Variants in SPAG16 observed in about 807,000 individuals in gnomAD.
SPAG16 encodes sperm-associated antigen 16 protein.
SPAG16 carries 86 observed loss-of-function variants against 80.4 expected under a neutral mutation model. That is an observed-to-expected ratio of 1.07 (90% CI 0.90 to 1.28). The LOEUF is 1.28. SPAG16 is among the 50% of genes most tolerant of loss of function. The probability of loss-of-function intolerance (pLI) is 0.00; values close to 1 mark genes in which losing one functional copy is unlikely to be tolerated. For synonymous variants in SPAG16, 294 were observed against 265.9 expected, an observed-to-expected ratio of 1.11 and a Z score of -1.03; for missense variants, 870 against 765.3, an observed-to-expected ratio of 1.14 and a Z score of -1.61.
At chr2:213,312,494 C>A (rs2063233446) in intron 4 of SPAG16, among the ~76,000 whole-genome samples, 1 of 151,630 alleles carries the variant, frequency 6.6e-6, no homozygotes, top group Non-Finnish European at 1.5e-5. Context: ...AAGATACATT[C>A]TTACTTTTTT....
intron 13 of SPAG16, among the ~76,000 whole-genome samples, chr2:214,079,826 T>C (rs2051277077): frequency 6.6e-6 from 1 of 152,216 alleles, no homozygotes; most frequent in Admixed American, 6.5e-5. Context: ...CCCCAGGTTT[T>C]TGTCCTTGTT....
chr2:214,065,827 T>TA (rs1348587851), intron 13 of SPAG16, among the ~76,000 whole-genome samples: 1 of 152,148 alleles, frequency 6.6e-6, no homozygotes. Flanking sequence ...GGTTGGCCTT[T>TA]AAATATCATT....
intron 9 of SPAG16, among the ~76,000 whole-genome samples, chr2:213,387,431 C>CTTTTTTTTTTTTTTTTTTTTT (rs71060428): frequency 2.1e-5 from 1 of 47,914 alleles, no homozygotes. Context: ...AATGCATGCT[C>CTTTTTTTTTTTTTTTTTTTTT]TTTTTTTTTT....
In SPAG16 at chr2:213,862,546, G is replaced by C; in HGVS notation, c.1132G>C (p.Val378Leu). 2 of 1,614,116 alleles carry C rather than the reference G, an allele frequency of 1.2e-6. No individual in the cohort carries two copies. Among genetic ancestry groups the C allele is most frequent in the Non-Finnish European group, 1.7e-6 (2 of 1,180,014 alleles). Residue 378 changes from valine (V) to leucine (L), a missense_variant, in exon 11 of 16, where the codon GTG becomes CTG. Physicochemically the swap from Val to Leu is conservative, Grantham distance 32. Coordinates refer to ENST00000331683, the MANE Select transcript of SPAG16 (RefSeq NM_024532.5). ...CTGTGGCGAGGACCGACTCTGGAAG[G>C]TGTTGGGCCTTCCAAAATGCAATGT... is the stretch of plus-strand genomic sequence containing the variant. ...VSCGEDRLWK[V>L]LGLPKCNVLL... is the part of the protein sequence containing the mutation.
At chr2:213,950,207 A>G (rs1559621428) in intron 12 of SPAG16, among the ~76,000 whole-genome samples, 3 of 152,128 alleles carry the variant, frequency 2.0e-5, no homozygotes. Flanking sequence ...ATACATATCA[A>G]TGCTTCTCAT....
intron 10 of SPAG16, among the ~76,000 whole-genome samples, chr2:213,713,975 CA>C (rs1419301732): frequency 1.3e-5 from 2 of 152,220 alleles, no homozygotes; most frequent in East Asian, 3.9e-4. Flanking sequence ...AACAAACTAT[CA>C]AAAGTTCTAT....
chr2:214,164,601 T>G (rs1188662037), intron 15 of SPAG16, among the ~76,000 whole-genome samples: 1 of 152,152 alleles, frequency 6.6e-6, no homozygotes, highest in Non-Finnish European at 1.5e-5. Flanking sequence ...GTCTTTATTC[T>G]AAAAAGAAGA....
At chr2:214,117,261 GAAGA>G (rs148461162) in intron 14 of SPAG16, among the ~76,000 whole-genome samples, 21,033 of 151,984 alleles carry the variant, frequency 0.14, 1,525 homozygotes, top group Non-Finnish European at 0.16. Flanking sequence ...TGATCAAACA[GAAGA>G]AAGAATTAGT....
intron 11 of SPAG16, among the ~76,000 whole-genome samples, chr2:213,866,150 A>G (rs1227832068): frequency 5.3e-5 from 8 of 151,812 alleles, no homozygotes; most frequent in Non-Finnish European, 1.0e-4. Context: ...AAGAAAAAAA[A>G]GTGTTAGAAT....
intron 15 of SPAG16, among the ~76,000 whole-genome samples, chr2:214,268,942 A>G (rs1021560634): frequency 6.6e-6 from 1 of 152,006 alleles, no homozygotes; most frequent in Non-Finnish European, 1.5e-5. Flanking sequence ...ACTAAGTTCT[A>G]CCAATCTCTA....
chr2:213,584,473 T>A (rs1480461032), intron 10 of SPAG16, among the ~76,000 whole-genome samples: 1 of 151,772 alleles, frequency 6.6e-6, no homozygotes, highest in Non-Finnish European at 1.5e-5. Context: ...ATGGGAGAGA[T>A]CAAAGAATCT....
Position 213,976,135 on chromosome 2 carries a change from T to TATATATATACACAC in SPAG16, c.1401-37815_1401-37814insTATATATACACACA, listed in dbSNP as rs749957411. Among the ~76,000 whole-genome samples the TATATATATACACAC allele has an allele frequency of 4.4e-4, 36 of 81,404 alleles. 2 individuals carry two copies. The highest frequency in any genetic ancestry group is 1.2e-3 in the African/African-American group (32 of 26,436). 53.4% of individuals were successfully genotyped at this position (81,404 alleles called of 152,430 possible). On this transcript the variant is annotated intron_variant, in intron 12 of 15. Transcript: ENST00000331683. ...ATATATATATATATATATATATATA[T>TATATATATACACAC]ACACACACACACACACACACGTATG...
At chr2:213,493,563 GTTGTTTGT>G (rs370456027) in intron 10 of SPAG16, among the ~76,000 whole-genome samples, 5 of 152,068 alleles carry the variant, frequency 3.3e-5, no homozygotes, top group African/African-American at 1.2e-4. Flanking sequence ...ACTGCCACTA[GTTGTTTGT>G]TTGTTTGTTT....
intron 15 of SPAG16, among the ~76,000 whole-genome samples, chr2:214,269,808 C>CACTT (rs1299156428): frequency 6.6e-6 from 1 of 152,032 alleles, no homozygotes; most frequent in Non-Finnish European, 1.5e-5. Context: ...CTATCTTGAG[C>CACTT]ACTTAAGCTG....
chr2:213,946,207 C>T (rs186823436), intron 12 of SPAG16, among the ~76,000 whole-genome samples: 156 of 152,170 alleles, frequency 1.0e-3, no homozygotes, highest in African/African-American at 3.6e-3. Context: ...CTCTGCCTCC[C>T]GGGTTCAAGC....
intron 3 of SPAG16, among the ~76,000 whole-genome samples, chr2:213,303,307 G>A (rs2062818310): frequency 6.6e-6 from 1 of 151,432 alleles, no homozygotes; most frequent in South Asian, 2.1e-4. Flanking sequence ...TATTTATCGG[G>A]TACATAAGAT....
chr2:213,579,379 A>C (rs1404763122), intron 10 of SPAG16, among the ~76,000 whole-genome samples: 1 of 152,156 alleles, frequency 6.6e-6, no homozygotes, highest in Non-Finnish European at 1.5e-5. Flanking sequence ...GCTTGGTAGC[A>C]AGAAACTTTC....
At chr2:213,288,838 T>C (rs1023746399) in intron 1 of SPAG16, among the ~76,000 whole-genome samples, 1 of 152,238 alleles carries the variant, frequency 6.6e-6, no homozygotes, top group African/African-American at 2.4e-5. Context: ...CCCTAAAGTG[T>C]ATTTCTTATC....
intron 10 of SPAG16, among the ~76,000 whole-genome samples, chr2:213,598,552 G>T (rs2060956302): frequency 6.6e-6 from 1 of 152,278 alleles, no homozygotes; most frequent in African/African-American, 2.4e-5. Context: ...AGCCAATTGA[G>T]TTTTGAGCAT....
Sources: allele counts gnomAD v4.1 joint callset (sites outside exome capture counted in the v4.1 genomes callset), GRCh38; gene constraint gnomAD v4.1.1; transcripts MANE v1.5; gene names NCBI Gene and HGNC (gene_info 2026-07-23, HGNC 2026-07-21).